ME1: variants seen among roughly 807,000 people sequenced by gnomAD.
The protein encoded by ME1 is malic enzyme 1, also known as NADP-dependent malic enzyme.
In ME1, 74 loss-of-function variants were observed where a neutral mutation model predicts 66.4. The observed-to-expected ratio is 1.11, with a 90% CI of 0.92 to 1.35. ME1 has a LOEUF of 1.35. Ranked by LOEUF, ME1 falls within the 40% of genes most tolerant of loss-of-function variation. The pLI is 0.00. For synonymous variants in ME1, 251 were observed against 235.6 expected, an observed-to-expected ratio of 1.07 and a Z score of -0.60; for missense variants, 750 against 694.1, an observed-to-expected ratio of 1.08 and a Z score of -0.90.
At chr6:83,297,313 CACAA>C (rs1157432337) in intron 6 of ME1, among the ~76,000 whole-genome samples, 1 of 152,090 alleles carries the variant, frequency 6.6e-6, no homozygotes, top group Non-Finnish European at 1.5e-5. Flanking sequence ...TCAGAGACAA[CACAA>C]ACAAATAGAA....
chr6:83,298,868 A>C lies in ME1; in HGVS notation c.704+16442T>G, dbSNP rs556421586. On this transcript the variant is annotated intron_variant, in intron 6 of 13. Coordinates refer to ENST00000369705, the MANE Select transcript of ME1 (RefSeq NM_002395.6). The stretch of plus-strand genomic sequence containing the variant: ...TTTTGTCAGGCTTTTTGAAGATCAG[A>C]CGGTTGGAGATGTGTGGTCTTATTT... 7.2e-5 allele frequency among the ~76,000 whole-genome samples: 10 copies of C among 138,810 alleles called. No homozygotes were observed. In the Admixed American group the frequency reaches 7.5e-4, roughly 10 times the overall value. 91.1% of individuals were successfully genotyped at this position (138,810 alleles called of 152,430 possible).
intron 13 of ME1, among the ~76,000 whole-genome samples, chr6:83,214,591 C>T (rs1238572856): frequency 6.6e-6 from 1 of 152,184 alleles, no homozygotes; most frequent in Non-Finnish European, 1.5e-5. Context: ...CATCTTTCTT[C>T]TGTCTTCTAG....
intron 9 of ME1, among the ~76,000 whole-genome samples, chr6:83,237,291 G>GA (rs1790428424): frequency 1.2e-4 from 5 of 42,816 alleles, no homozygotes; most frequent in African/African-American, 2.7e-4. Flanking sequence ...AAGGAAGGAA[G>GA]GAAAGAAAGA....
intron 6 of ME1, among the ~76,000 whole-genome samples, chr6:83,289,390 T>G (rs749677389): frequency 8.5e-5 from 13 of 152,260 alleles, no homozygotes; most frequent in Non-Finnish European, 1.8e-4. Context: ...AGGCCTTTTC[T>G]GCATCTATTG....
chr6:83,407,025 C>T (rs73478705), intron 2 of ME1, among the ~76,000 whole-genome samples: 3,629 of 150,712 alleles, frequency 0.024, 156 homozygotes, highest in East Asian at 0.16. Context: ...TCTGCTTCTT[C>T]GGAGAACCCT....
intron 9 of ME1, among the ~76,000 whole-genome samples, chr6:83,235,414 A>G (rs1367052129): frequency 6.6e-6 from 1 of 151,910 alleles, no homozygotes; most frequent in Non-Finnish European, 1.5e-5. Flanking sequence ...ACAACTTGTC[A>G]CATGATGACA....
intron 11 of ME1, 40 bp from the exon 12 acceptor site, chr6:83,223,973 A>T (rs1275766876): frequency 2.5e-6 from 4 of 1,573,194 alleles, no homozygotes; most frequent in Non-Finnish European, 3.5e-6. Flanking sequence ...AAAAAGAAGC[A>T]GAATATTTTA....
At chr6:83,398,799 G>A (rs904208543) in intron 2 of ME1, among the ~76,000 whole-genome samples, 4 of 146,680 alleles carry the variant, frequency 2.7e-5, no homozygotes, top group African/African-American at 5.1e-5. Context: ...GTGAAACTCC[G>A]TCTCTACTAA....
Position 83,398,487 on chromosome 6 carries a change from C to A in ME1, c.242G>T (p.Arg81Ile). ...CACTCTATAAAAGAGTTTTTCATTT[C>A]TATCTTGGAGATCCATTAAGAGAAG... ...RYLLLMDLQD[R>I]NEKLFYRVLT... Residue 81 changes from arginine (R) to isoleucine (I), a missense_variant, in exon 3 of 14, where the codon AGA becomes ATA. Arg to Ile is a moderately conservative substitution (Grantham distance 97). Coordinates refer to ENST00000369705, the MANE Select transcript of ME1 (RefSeq NM_002395.6). The A allele has an allele frequency of 6.4e-7, 1 of 1,570,916 alleles. No individual in the cohort carries two copies. The highest frequency in any genetic ancestry group is 1.8e-5 in the Admixed American group (1 of 55,254).
intron 5 of ME1, among the ~76,000 whole-genome samples, chr6:83,327,793 T>C (rs2128541617): frequency 6.6e-6 from 1 of 152,300 alleles, no homozygotes; most frequent in South Asian, 2.1e-4. Context: ...TGAAAATCCC[T>C]AATAAAAACT....
intron 3 of ME1, among the ~76,000 whole-genome samples, chr6:83,359,285 C>G (rs1218864312): frequency 6.6e-6 from 1 of 152,192 alleles, no homozygotes; most frequent in Non-Finnish European, 1.5e-5. Context: ...AGACCTATAA[C>G]TAGACAAAAG....
rs556839670 is a variant in ME1, at chr6:83,257,539, A to C, written c.705-3801T>G. 9.9e-4 allele frequency among the ~76,000 whole-genome samples: 150 copies of C among 152,276 alleles called. 1 individual carries two copies. Among genetic ancestry groups the C allele is most frequent in the African/African-American group, 3.5e-3 (146 of 41,580 alleles). ...CAAAAAGAAGCAACAATTTAAAAGT[A>C]AAATGGGATGGGGGGTCAATTCTGA... On this transcript the variant is annotated intron_variant, in intron 6 of 13. Coordinates refer to ENST00000369705, the MANE Select transcript of ME1 (RefSeq NM_002395.6).
chr6:83,390,021 T>C (rs546829178), intron 3 of ME1, among the ~76,000 whole-genome samples: 65 of 152,082 alleles, frequency 4.3e-4, no homozygotes, highest in African/African-American at 1.5e-3. Flanking sequence ...AGAAAAGAAA[T>C]TCCACACAAA....
intron 6 of ME1, among the ~76,000 whole-genome samples, chr6:83,260,658 T>G (rs1187198501): frequency 6.6e-6 from 1 of 152,182 alleles, no homozygotes; most frequent in Non-Finnish European, 1.5e-5. Flanking sequence ...TCAAGTGTTC[T>G]CATCATTTTA....
At chr6:83,407,503 C>A (rs1314543804) in intron 2 of ME1, among the ~76,000 whole-genome samples, 1 of 152,152 alleles carries the variant, frequency 6.6e-6, no homozygotes, top group Non-Finnish European at 1.5e-5. Flanking sequence ...TTCAGGATGG[C>A]ATTTCCTGAT....
At chr6:83,424,826 G>A (rs1171727800) in intron 1 of ME1, among the ~76,000 whole-genome samples, 3 of 152,060 alleles carry the variant, frequency 2.0e-5, no homozygotes, top group Admixed American at 1.3e-4. Flanking sequence ...GGTGTCTGGA[G>A]GGCTGATTTT....
chr6:83,389,938 C>T (rs184987543), intron 3 of ME1, among the ~76,000 whole-genome samples: 1 of 152,040 alleles, frequency 6.6e-6, no homozygotes, highest in East Asian at 1.9e-4. Flanking sequence ...ACAATCCAAG[C>T]GAGCCCAAAA....
At chr6:83,286,060 T>G (rs1423236090) in intron 6 of ME1, among the ~76,000 whole-genome samples, 1 of 152,172 alleles carries the variant, frequency 6.6e-6, no homozygotes, top group Non-Finnish European at 1.5e-5. Flanking sequence ...CTGTTTGCAC[T>G]TGACATATCT....
intron 5 of ME1, among the ~76,000 whole-genome samples, chr6:83,330,533 A>G (rs1027945800): frequency 6.6e-6 from 1 of 152,228 alleles, no homozygotes; most frequent in Non-Finnish European, 1.5e-5. Flanking sequence ...TGCCCCTGAT[A>G]ATTCTGAAGT....
Sources: gnomAD v4.1 joint callset for allele counts (sites outside exome capture counted in the v4.1 genomes callset) on GRCh38, gnomAD v4.1.1 for gene constraint, MANE v1.5 for transcripts, NCBI Gene and HGNC (gene_info 2026-07-23, HGNC 2026-07-21) for gene names.